GRXCR1: variants seen among roughly 807,000 people sequenced by gnomAD.
GRXCR1 encodes the protein glutaredoxin domain-containing cysteine-rich protein 1.
A neutral mutation model predicts 27.3 loss-of-function variants in GRXCR1; 27 were observed. That is an observed-to-expected ratio of 0.99 (90% confidence interval 0.73 to 1.37). GRXCR1 has a LOEUF of 1.37. Among genes scored for constraint, GRXCR1 ranks in the 40% most tolerant of loss-of-function variants. The probability of loss-of-function intolerance (pLI) is 0.00; values close to 1 mark genes in which losing one functional copy is unlikely to be tolerated. For missense variants in GRXCR1, 379 were observed against 354.4 expected (o/e 1.07, Z -0.56); for synonymous variants, 122 against 131.1 (o/e 0.93, Z 0.47).
At chr4:42,964,089 T>A (rs962052121) in intron 2 of GRXCR1, among the ~76,000 whole-genome samples, 7 of 152,034 alleles carry the variant, frequency 4.6e-5, no homozygotes, top group Non-Finnish European at 8.8e-5. Context: ...TATGACACTA[T>A]GTGATTGTAC....
At chr4:42,988,110 G>A (rs1711839331) in intron 2 of GRXCR1, among the ~76,000 whole-genome samples, 2 of 152,278 alleles carry the variant, frequency 1.3e-5, no homozygotes, top group South Asian at 4.1e-4. Context: ...TTCAAGAGAA[G>A]TTATAAGAAG....
intron 3 of GRXCR1, among the ~76,000 whole-genome samples, chr4:43,023,960 T>C (rs904008353): frequency 2.0e-5 from 3 of 151,788 alleles, no homozygotes; most frequent in Admixed American, 6.6e-5. Flanking sequence ...GTCTAAGGAG[T>C]CCTCACAATA....
intron 2 of GRXCR1, among the ~76,000 whole-genome samples, chr4:43,020,065 TGC>T: frequency 6.6e-6 from 1 of 152,268 alleles, no homozygotes; most frequent in African/African-American, 2.4e-5. Context: ...CTGAAGAGTA[TGC>T]TGGCCCTTTC....
chr4:42,916,317 G>A (rs1309408632), intron 1 of GRXCR1, among the ~76,000 whole-genome samples: 1 of 152,056 alleles, frequency 6.6e-6, no homozygotes, highest in African/African-American at 2.4e-5. Flanking sequence ...TTAAAGGGAA[G>A]TTTTCAGGCA....
intron 2 of GRXCR1, among the ~76,000 whole-genome samples, chr4:42,986,322 T>C (rs1403786688): frequency 6.6e-6 from 1 of 152,228 alleles, no homozygotes; most frequent in East Asian, 1.9e-4. Flanking sequence ...GAGGGGCTCA[T>C]TGTGAGCTTT....
At chr4:42,986,275 A>C (rs6832634) in intron 2 of GRXCR1, among the ~76,000 whole-genome samples, 4,655 of 152,312 alleles carry the variant, frequency 0.031, 80 homozygotes, top group South Asian at 0.058. Context: ...AATGAAGCAA[A>C]CCATCTCTCC....
rs777010380 is a variant in GRXCR1, at chr4:42,947,380, C to T, written c.385-15512C>T. Among the ~76,000 whole-genome samples, 19 of 152,026 alleles carry T rather than the reference C, an allele frequency of 1.2e-4. 1 individual carries two copies. Among genetic ancestry groups the T allele is most frequent in the Non-Finnish European group, 2.5e-4 (17 of 67,996 alleles). On this transcript the variant is annotated intron_variant, in intron 1 of 3. Transcript: ENST00000399770. The stretch of plus-strand genomic sequence containing the variant: ...AGTCTCATGATTTTGTGACCTTAAG[C>T]AAGTTAGAAATCTCCCTGTAGTTCA...
intron 2 of GRXCR1, among the ~76,000 whole-genome samples, chr4:42,971,896 T>TA (rs1466322180): frequency 2.0e-5 from 3 of 152,304 alleles, no homozygotes; most frequent in Non-Finnish European, 4.4e-5. Flanking sequence ...AGAATAACTT[T>TA]AAAAAACATC....
intron 2 of GRXCR1, among the ~76,000 whole-genome samples, chr4:42,988,210 G>T (rs949682103): frequency 7.2e-5 from 11 of 152,086 alleles, no homozygotes; most frequent in African/African-American, 2.4e-4. Flanking sequence ...CTATTATTGT[G>T]TTTTGTCCCT....
intron 2 of GRXCR1, among the ~76,000 whole-genome samples, chr4:42,983,594 A>C (rs1711563789): frequency 6.6e-6 from 1 of 152,088 alleles, no homozygotes; most frequent in South Asian, 2.1e-4. Flanking sequence ...TCTGTGAAGA[A>C]AGTCATTGGT....
chr4:43,004,865 G>A (rs1374422802), intron 2 of GRXCR1, among the ~76,000 whole-genome samples: 2 of 152,310 alleles, frequency 1.3e-5, no homozygotes, highest in East Asian at 3.9e-4. Flanking sequence ...GGACGTTTGA[G>A]TTAATGCTGG....
At chr4:43,029,535 G>T (rs1226597708) in intron 3 of GRXCR1, among the ~76,000 whole-genome samples, 3 of 152,112 alleles carry the variant, frequency 2.0e-5, no homozygotes, top group Admixed American at 1.3e-4. Context: ...CACCAGTAAA[G>T]GTTATATGCT....
intron 1 of GRXCR1, among the ~76,000 whole-genome samples, chr4:42,908,280 T>C (rs868668952): frequency 3.9e-5 from 6 of 152,226 alleles, no homozygotes; most frequent in African/African-American, 7.2e-5. Context: ...ATACATGTTA[T>C]GGTACTGACA....
intron 2 of GRXCR1, among the ~76,000 whole-genome samples, chr4:42,985,837 G>A (rs998893198): frequency 7.2e-5 from 11 of 151,910 alleles, no homozygotes; most frequent in South Asian, 2.1e-4. Context: ...TTTGCTATTC[G>A]TTGTCTAATC....
intron 2 of GRXCR1, among the ~76,000 whole-genome samples, chr4:43,003,435 T>A (rs916786552): frequency 6.6e-6 from 1 of 151,878 alleles, no homozygotes; most frequent in African/African-American, 2.4e-5. Context: ...CAAGCAGAGG[T>A]TGGAACAGTT....
intron 1 of GRXCR1, among the ~76,000 whole-genome samples, chr4:42,922,465 C>T (rs184729993): frequency 5.1e-4 from 77 of 152,254 alleles, no homozygotes; most frequent in African/African-American, 1.7e-3. Flanking sequence ...AATGGGCTCA[C>T]GAAGAAGCCC....
At chr4:43,017,459 A>C (rs1712963778) in intron 2 of GRXCR1, among the ~76,000 whole-genome samples, 1 of 152,160 alleles carries the variant, frequency 6.6e-6, no homozygotes, top group Non-Finnish European at 1.5e-5. Flanking sequence ...TTTAAACTTT[A>C]GTTTTTTTAT....
intron 2 of GRXCR1, among the ~76,000 whole-genome samples, chr4:42,993,589 T>C (rs1202070610): frequency 6.6e-6 from 1 of 152,150 alleles, no homozygotes; most frequent in Non-Finnish European, 1.5e-5. Context: ...TGGCCTGCCG[T>C]TGGGCAAAAT....
At position 42,980,662 on chromosome 4, in the gene GRXCR1, G is replaced by A. The variant is rs116540064; in HGVS notation, c.627+17528G>A. The stretch of plus-strand genomic sequence containing the variant: ...CTGTTACATCTATTTTGTCTAGTGC[G>A]CAGTTTAAATACAATATTTTCTTAT... On this transcript the variant is annotated intron_variant, in intron 2 of 3. Transcript: ENST00000399770. Among the ~76,000 whole-genome samples the A allele has an allele frequency of 3.1e-3, 466 of 152,006 alleles. 2 individuals carry two copies. Among genetic ancestry groups the A allele is most frequent in the African/African-American group, 8.8e-3 (367 of 41,506 alleles).
Sources: allele counts gnomAD v4.1 joint callset (sites outside exome capture counted in the v4.1 genomes callset), GRCh38; gene constraint gnomAD v4.1.1; transcripts MANE v1.5; gene names NCBI Gene and HGNC (gene_info 2026-07-23, HGNC 2026-07-21).